The following CCDC148 variants were observed in gnomAD, a reference collection of about 807,000 sequenced individuals.
The protein encoded by CCDC148 is coiled-coil domain containing 148, also known as coiled-coil domain-containing protein 148.
CCDC148 carries 89 observed loss-of-function variants against 85.7 expected under a neutral mutation model. The observed-to-expected ratio is 1.04, with a 90% CI of 0.87 to 1.24. The LOEUF (loss-of-function observed/expected upper bound fraction) is 1.24. Among genes scored for constraint, CCDC148 ranks in the 50% most tolerant of loss-of-function variants. The probability of loss-of-function intolerance (pLI) is 0.00; values close to 1 mark genes in which losing one functional copy is unlikely to be tolerated. For synonymous variants in CCDC148, 230 were observed against 213.9 expected (o/e 1.08, Z -0.66); for missense variants, 692 against 671.7 (o/e 1.03, Z -0.33).
intron 1 of CCDC148, among the ~76,000 whole-genome samples, chr2:158,404,897 C>T (rs1263004636): frequency 2.6e-5 from 4 of 152,050 alleles, no homozygotes; most frequent in Non-Finnish European, 5.9e-5. Flanking sequence ...TATTTAAAAT[C>T]ATCCTGTTAA....
chr2:158,331,948 G>C (rs1431045560), intron 7 of CCDC148, among the ~76,000 whole-genome samples: 2 of 152,030 alleles, frequency 1.3e-5, no homozygotes, highest in African/African-American at 2.4e-5. Context: ...GATGGGTCTT[G>C]ACTCTTTATC....
intron 1 of CCDC148, among the ~76,000 whole-genome samples, chr2:158,409,373 G>A (rs530313542): frequency 7.2e-5 from 11 of 152,336 alleles, no homozygotes; most frequent in African/African-American, 2.2e-4. Context: ...GCTGCCCAAG[G>A]TTGTTGGAGC....
At chr2:158,194,807 T>A (rs1296199169) in intron 11 of CCDC148, among the ~76,000 whole-genome samples, 1 of 152,102 alleles carries the variant, frequency 6.6e-6, no homozygotes, top group African/African-American at 2.4e-5. Context: ...CACAGTTCAC[T>A]TGATTTTTTA....
At chr2:158,218,256 A>G (rs945422452) in intron 11 of CCDC148, among the ~76,000 whole-genome samples, 1 of 152,220 alleles carries the variant, frequency 6.6e-6, no homozygotes, top group Admixed American at 6.5e-5. Context: ...CTCAGAAGTT[A>G]TCCAGTTCAA....
chr2:158,319,352 C>T (rs886684420), intron 7 of CCDC148, among the ~76,000 whole-genome samples: 1 of 152,152 alleles, frequency 6.6e-6, no homozygotes, highest in Non-Finnish European at 1.5e-5. Context: ...CCTGTTTCTC[C>T]AACAAGTGTT....
At chr2:158,196,496 C>T (rs983597675) in intron 11 of CCDC148, among the ~76,000 whole-genome samples, 1 of 152,068 alleles carries the variant, frequency 6.6e-6, no homozygotes, top group African/African-American at 2.4e-5. Context: ...TGAATCCAGC[C>T]CATTTAGTAT....
chr2:158,344,050 A>G (rs1018579079), intron 3 of CCDC148, among the ~76,000 whole-genome samples: 1 of 152,182 alleles, frequency 6.6e-6, no homozygotes, highest in Non-Finnish European at 1.5e-5. Flanking sequence ...AAGATTTAAA[A>G]AAAACAAAAA....
chr2:158,189,271 AT>A (rs1685307395), intron 11 of CCDC148, among the ~76,000 whole-genome samples: 1 of 151,854 alleles, frequency 6.6e-6, no homozygotes, highest in African/African-American at 2.4e-5. Flanking sequence ...AAATCAATTC[AT>A]TCCCTTTTCT....
At chr2:158,328,380 A>G (rs1303543610) in intron 7 of CCDC148, among the ~76,000 whole-genome samples, 3 of 152,140 alleles carry the variant, frequency 2.0e-5, no homozygotes, top group Non-Finnish European at 4.4e-5. Context: ...TCCATGGTGT[A>G]TATGTGCCAC....
At chr2:158,272,021 G>C (rs1234728823) in intron 9 of CCDC148, among the ~76,000 whole-genome samples, 2 of 152,040 alleles carry the variant, frequency 1.3e-5, no homozygotes, top group African/African-American at 4.8e-5. Context: ...TGTTTTATTT[G>C]ATCCTTCTTT....
intron 8 of CCDC148, among the ~76,000 whole-genome samples, chr2:158,312,757 T>A (rs1292485116): frequency 6.6e-6 from 1 of 152,044 alleles, no homozygotes; most frequent in Non-Finnish European, 1.5e-5. Flanking sequence ...TATTTAAAAA[T>A]CCAGAGTGAA....
At position 158,242,821 on chromosome 2, in the gene CCDC148, A is replaced by T. The variant is rs190308315; in HGVS notation, c.1251+7951T>A. 4.3e-4 allele frequency among the ~76,000 whole-genome samples: 65 copies of T among 152,106 alleles called. No individual in the cohort carries two copies. The East Asian group carries it at 0.012, about 28-fold the overall frequency. ...TATAGTTGAATAAAGGTGTCTTTGG[A>T]CTGCTCTCCTTCTATTGAGCCTTTA... On this transcript the variant is annotated intron_variant, in intron 10 of 13. Coordinates refer to ENST00000283233, the MANE Select transcript of CCDC148 (RefSeq NM_138803.4).
Position 158,456,560 on chromosome 2 carries a change from C to A in CCDC148, c.-121G>T, listed in dbSNP as rs1688759547. ...GGCTCAGCTGTTCCTACCTTTGACG[C>A]CAGGGACAAACCCTACCAGGCACAG... On this transcript the variant is annotated 5_prime_UTR_variant, in exon 1 of 14. Coordinates refer to ENST00000283233, the MANE Select transcript of CCDC148 (RefSeq NM_138803.4). 7.9e-7 allele frequency: 1 copy of A among 1,269,390 alleles called. No homozygotes were observed. Among genetic ancestry groups the A allele is most frequent in the East Asian group, 2.5e-5 (1 of 39,400 alleles). 78.6% of individuals were successfully genotyped at this position (1,269,390 alleles called of 1,614,324 possible). A position where few individuals can be genotyped will look rare whatever the true frequency, so the allele number is the denominator to read the frequency against.
chr2:158,210,083 C>T (rs945834927), intron 11 of CCDC148, among the ~76,000 whole-genome samples: 4 of 152,150 alleles, frequency 2.6e-5, no homozygotes, highest in South Asian at 4.2e-4. Context: ...CGTGCAAAGA[C>T]ACACATAGGC....
intron 7 of CCDC148, among the ~76,000 whole-genome samples, chr2:158,324,466 C>T (rs1692671543): frequency 6.6e-6 from 1 of 152,072 alleles, no homozygotes; most frequent in South Asian, 2.1e-4. Flanking sequence ...CTTGATGAAG[C>T]TCATTCCCTA....
At chr2:158,328,846 CT>C (rs1231496289) in intron 7 of CCDC148, among the ~76,000 whole-genome samples, 3 of 152,098 alleles carry the variant, frequency 2.0e-5, no homozygotes, top group African/African-American at 7.2e-5. Context: ...CCTTCACCCA[CT>C]TTTTGATGGG....
At chr2:158,354,988 T>C (rs1279926590) in intron 2 of CCDC148, among the ~76,000 whole-genome samples, 1 of 152,170 alleles carries the variant, frequency 6.6e-6, no homozygotes, top group South Asian at 2.1e-4. Context: ...CACATCATTA[T>C]CTCAATAGAT....
At chr2:158,431,357 G>C (rs976735318) in intron 1 of CCDC148, among the ~76,000 whole-genome samples, 12 of 151,590 alleles carry the variant, frequency 7.9e-5, no homozygotes, top group Non-Finnish European at 1.0e-4. Flanking sequence ...CGAGAAGGGA[G>C]ACATTCTATA....
At chr2:158,202,014 A>T (rs888681927) in intron 11 of CCDC148, among the ~76,000 whole-genome samples, 1 of 152,186 alleles carries the variant, frequency 6.6e-6, no homozygotes, top group Non-Finnish European at 1.5e-5. Flanking sequence ...GTAGAGAGAG[A>T]GAGTAGAAAT....
Sources: gnomAD v4.1 joint callset for allele counts (sites outside exome capture counted in the v4.1 genomes callset) on GRCh38, gnomAD v4.1.1 for gene constraint, MANE v1.5 for transcripts, NCBI Gene and HGNC (gene_info 2026-07-23, HGNC 2026-07-21) for gene names.